Variants in CAD observed in about 807,000 individuals in gnomAD.
The protein encoded by CAD is carbamoyl-phosphate synthetase 2, aspartate transcarbamylase, and dihydroorotase, also known as multifunctional protein CAD.
Under a neutral mutation model 237.2 loss-of-function variants are expected in CAD, and 81 were observed. That is an observed-to-expected ratio of 0.34 (90% CI 0.29 to 0.41). The LOEUF (loss-of-function observed/expected upper bound fraction) is 0.41, where lower values mean the gene tolerates loss of function less well. Among genes scored for constraint, CAD ranks in the 10% least tolerant of loss-of-function variants. The probability of loss-of-function intolerance (pLI) is 1.00; values close to 1 mark genes in which losing one functional copy is unlikely to be tolerated. For missense variants in CAD, 2,181 were observed against 2,951.7 expected (o/e 0.74, Z 6.05); for synonymous variants, 1,196 against 1,162.8 (o/e 1.03, Z -0.58).
rs747364893 is a variant in CAD, at chr2:27,238,040, T to C, written c.4729-16T>C. 1.2e-6 allele frequency: 2 copies of C among 1,613,676 alleles called. No individual in the cohort carries two copies. The stretch of plus-strand genomic sequence containing the variant: ...GAGATTCTGCACACTCCTTCATCAG[T>C]TCTTTCTGCTCCCAGCATTTCGAGA... On this transcript the variant is annotated splice_polypyrimidine_tract_variant and intron_variant, in intron 29 of 43. Coordinates refer to ENST00000264705, the MANE Select transcript of CAD (RefSeq NM_004341.5).
At position 27,241,833 on chromosome 2, in the gene CAD, T is replaced by G; in HGVS notation, c.5884-78T>G. 5.2e-6 allele frequency: 6 copies of G among 1,146,106 alleles called. No individual in the cohort carries two copies. The highest frequency in any genetic ancestry group is 5.2e-6 in the Non-Finnish European group (4 of 775,530). The allele number at this position is 1,146,106 out of a possible 1,614,324, so 71.0% of individuals were successfully genotyped here. A position where few individuals can be genotyped will look rare whatever the true frequency, so the allele number is the denominator to read the frequency against. ...CCTCACAGCACCCCTCAAGTGTCAG[T>G]TGGGGTGGTGGTGCCTAGCTGGGGT... On this transcript the variant is annotated intron_variant, in intron 38 of 43. Coordinates refer to ENST00000264705, the MANE Select transcript of CAD (RefSeq NM_004341.5). The surrounding 1 kb of genome is among the most constrained non-coding windows in gnomAD (Gnocchi z 4.6).
chr2:27,238,551 C>A lies in CAD; in HGVS notation c.4981C>A (p.Arg1661=). The change falls in exon 31 of 44, where the codon CGG becomes AGG. Residue 1661 remains arginine, a synonymous_variant. Coordinates refer to ENST00000264705, the MANE Select transcript of CAD (RefSeq NM_004341.5). ...CCTGGGGCCTGGGAAGGGGGAGGTC[C>A]GGCCTGAGCTTGGCTCCCGCCAGGA... ...ERLGPGKGEV[R]PELGSRQDVE... 6.2e-7 allele frequency: 1 copy of A among 1,614,080 alleles called. No individual in the cohort carries two copies. The highest frequency in any genetic ancestry group is 8.5e-7 in the Non-Finnish European group (1 of 1,179,998).
At chr2:27,221,473 T>C in intron 3 of CAD, 126 bp downstream of exon 3, 1 of 922,742 alleles carries the variant, frequency 1.1e-6, no homozygotes, top group East Asian at 3.3e-5. Flanking sequence ...TAGATTGGAG[T>C]TGGGCTGGGA....
At position 27,242,470 on chromosome 2, in the gene CAD, C is replaced by G. The variant is rs1369870516; in HGVS notation, c.6222+43C>G. ...GTTTGGATCCCTGCCAGGGGACGATCTAGAGAGGGAGGCAGGAAGTGGTTA... is the reference window on the plus strand; with the variant it reads ...GTTTGGATCCCTGCCAGGGGACGATGTAGAGAGGGAGGCAGGAAGTGGTTA... On this transcript the variant is annotated intron_variant, in intron 40 of 43. Coordinates refer to ENST00000264705, the MANE Select transcript of CAD (RefSeq NM_004341.5). The surrounding 1 kb of genome is among the most constrained non-coding windows in gnomAD (Gnocchi z 6.4). The G allele has an allele frequency of 3.7e-6, 6 of 1,600,350 alleles. No homozygotes were observed. The highest frequency in any genetic ancestry group is 5.1e-6 in the Non-Finnish European group (6 of 1,171,032).
At chr2:27,229,952 A>G (rs1364957951) in intron 15 of CAD, among the ~76,000 whole-genome samples, 1 of 151,396 alleles carries the variant, frequency 6.6e-6, no homozygotes, top group Non-Finnish European at 1.5e-5. Context: ...GAATTAAGTT[A>G]GTTGGTTGGG....
chr2:27,236,776 C>T lies in CAD; in HGVS notation c.4342C>T (p.Pro1448Ser). 1.2e-6 allele frequency: 2 copies of T among 1,614,168 alleles called. No individual in the cohort carries two copies. The highest frequency in any genetic ancestry group is 1.7e-6 in the Non-Finnish European group (2 of 1,180,040). ...EALGQIGPAP[P>S]LKVHVDCMTS... is the part of the protein sequence containing the mutation. ...CCTAGGCCAGATCGGGCCAGCCCCT[C>T]CTTTGAAGGTGCATGTTGACTGTAT... The change falls in exon 27 of 44, where the codon CCT (proline) becomes TCT (serine). Residue 1448 changes from proline (P) to serine (S), a missense_variant. Around this residue, in one of 12 missense-constraint regions of CAD, gnomAD observed 306 missense variants for 607.9 expected, o/e 0.50. Coordinates refer to ENST00000264705, the MANE Select transcript of CAD (RefSeq NM_004341.5). The surrounding 1 kb of genome is among the most constrained non-coding windows in gnomAD (Gnocchi z 4.1).
chr2:27,220,954 T>G (rs1675133705), intron 2 of CAD, among the ~76,000 whole-genome samples: 1 of 151,796 alleles, frequency 6.6e-6, no homozygotes, highest in Admixed American at 6.6e-5. Flanking sequence ...TGAGACTCTG[T>G]CTCAAAAAAA....
chr2:27,224,067 A>G (rs756983038), intron 8 of CAD, 38 bp downstream of exon 8: 5 of 1,454,898 alleles, frequency 3.4e-6, no homozygotes, highest in Admixed American at 1.7e-5. Flanking sequence ...GGACCTAAGA[A>G]CAGGGTTGGC....
Position 27,225,752 on chromosome 2 carries a change from A to G in CAD, c.1668A>G (p.Ala556=), listed in dbSNP as rs775395878. The change falls in exon 12 of 44, where the codon GCA becomes GCG. Residue 556 remains alanine (A), a synonymous_variant. Coordinates refer to ENST00000264705, the MANE Select transcript of CAD (RefSeq NM_004341.5). Reference sequence around the variant, plus strand: ...TGGGGTACCCTGTGCTAGTGCGTGCAGCCTTTGCCCTGGGTGGCCTGGGCT... The same window carrying G: ...TGGGGTACCCTGTGCTAGTGCGTGCGGCCTTTGCCCTGGGTGGCCTGGGCT... ...ERLGYPVLVR[A]AFALGGLGSG... The G allele has an allele frequency of 6.8e-6, 11 of 1,614,214 alleles. No individual in the cohort carries two copies. Among genetic ancestry groups the G allele is most frequent in the Non-Finnish European group, 9.3e-6 (11 of 1,180,040 alleles).
Position 27,230,369 on chromosome 2 carries a change from C to T in CAD, c.2288-1099C>T, listed in dbSNP as rs550364881. Among the ~76,000 whole-genome samples, 62 of 151,974 alleles carry T rather than the reference C, an allele frequency of 4.1e-4. No individual in the cohort carries two copies. The South Asian group carries it at 0.01, about 25-fold the overall frequency. On this transcript the variant is annotated intron_variant, in intron 15 of 43. Coordinates refer to ENST00000264705, the MANE Select transcript of CAD (RefSeq NM_004341.5). ...AAACATACCTATGAAGGGCCCGGCA[C>T]GGTGGCTCACGCCTGTAACCCCAGC...
In CAD at chr2:27,224,909, G is replaced by A. The variant is rs780879805; in HGVS notation, c.1386+33G>A. ...TGGGGCAAGGCTGGAATGAAAAGAG[G>A]ACTGGGCAGGGGGGCCCAGTGGTCA... On this transcript the variant is annotated intron_variant, in intron 10 of 43. Coordinates refer to ENST00000264705, the MANE Select transcript of CAD (RefSeq NM_004341.5). The A allele has an allele frequency of 1.3e-5, 21 of 1,613,956 alleles. No individual in the cohort carries two copies. In the South Asian group the frequency reaches 2.3e-4, roughly 18 times the overall value.
In CAD at chr2:27,243,198, T is replaced by A; in HGVS notation, c.6481T>A (p.Cys2161Ser). 6.2e-7 allele frequency: 1 copy of A among 1,614,042 alleles called. No homozygotes were observed. The highest frequency in any genetic ancestry group is 8.5e-7 in the Non-Finnish European group (1 of 1,180,006). The change falls in exon 43 of 44, where the codon TGC becomes AGC. Residue 2161 changes from cysteine (C) to serine (S), a missense_variant and splice_region_variant. This residue lies in a region of CAD where 170 missense variants were observed against 212.1 expected (regional missense o/e 0.80). Coordinates refer to ENST00000264705, the MANE Select transcript of CAD (RefSeq NM_004341.5). ...RFGSTQEYEA[C>S]FGQFILTPHI... ...AATGGGGACCCCATCTGCTTTGCAG[T>A]GCTTTGGTCAGTTCATCCTCACTCC...
intron 2 of CAD, among the ~76,000 whole-genome samples, chr2:27,219,519 A>AT (rs1328254453): frequency 1.3e-5 from 2 of 151,642 alleles, no homozygotes; most frequent in Non-Finnish European, 1.5e-5. Context: ...CTTTTTTTGT[A>AT]TTTTTTGTAG....
At chr2:27,243,330 G>T in intron 43 of CAD, 38 bp downstream of exon 43, 1 of 1,611,110 alleles carries the variant, frequency 6.2e-7, no homozygotes, top group East Asian at 2.2e-5. Context: ...CCTCGGGGCT[G>T]GTGGACGGGA....
At chr2:27,218,701 C>T (rs1675000717) in intron 2 of CAD, among the ~76,000 whole-genome samples, 1 of 152,012 alleles carries the variant, frequency 6.6e-6, no homozygotes, top group Non-Finnish European at 1.5e-5. Flanking sequence ...TGAGGTTTCC[C>T]CTATTCCTTC....
In CAD at chr2:27,236,187, CTCA is replaced by C; in HGVS notation, c.4075-92_4075-90del. On this transcript the variant is annotated intron_variant, in intron 25 of 43. Transcript: ENST00000264705. The surrounding 1 kb of genome is among the most constrained non-coding windows in gnomAD (Gnocchi z 4.1). ...GCCCACCCTATGGGTCCTCAGTCTCCTCATCATGGGCTCCTGGGCCAGCTCCTC... is the reference window on the plus strand; with the variant it reads ...GCCCACCCTATGGGTCCTCAGTCTCCTCATGGGCTCCTGGGCCAGCTCCTC... 1 of 1,519,672 alleles carries C rather than the reference CTCA, an allele frequency of 6.6e-7. No individual in the cohort carries two copies. Among genetic ancestry groups the C allele is most frequent in the South Asian group, 1.3e-5 (1 of 77,682 alleles). The allele number at this position is 1,519,672 out of a possible 1,614,324, so 94.1% of individuals were successfully genotyped here.
At chr2:27,220,325 GAA>G (rs1675093055) in intron 2 of CAD, among the ~76,000 whole-genome samples, 1 of 152,162 alleles carries the variant, frequency 6.6e-6, no homozygotes, top group Non-Finnish European at 1.5e-5. Flanking sequence ...GCTTCACAGA[GAA>G]AGGATTTGTG....
Position 27,242,159 on chromosome 2 carries a change from A to C in CAD, c.6096+36A>C. 6.2e-7 allele frequency: 1 copy of C among 1,604,858 alleles called. No homozygotes were observed. The highest frequency in any genetic ancestry group is 1.1e-5 in the South Asian group (1 of 90,834). ...CCTGGGTACTGAGATGGGGTTAAGA[A>C]GGCTGGACCCAGGGGCATGAGAACC... On this transcript the variant is annotated intron_variant, in intron 39 of 43. Coordinates refer to ENST00000264705, the MANE Select transcript of CAD (RefSeq NM_004341.5). This position sits in a 1 kb window ranked among gnomAD's most constrained non-coding sequence, Gnocchi z 6.4.
chr2:27,233,023 C>T lies in CAD; in HGVS notation c.2893-19C>T. On this transcript the variant is annotated intron_variant, in intron 18 of 43. Transcript: ENST00000264705. This position sits in a 1 kb window ranked among gnomAD's most constrained non-coding sequence, Gnocchi z 6.3. ...TCCTCCCACCTGACTGCTAAGTACC[C>T]TTCCCCTCCCTCTTGCAGATGGGAT... The T allele has an allele frequency of 6.6e-7, 1 of 1,520,472 alleles. No individual in the cohort carries two copies. Among genetic ancestry groups the T allele is most frequent in the African/African-American group, 1.4e-5 (1 of 73,204 alleles). 94.2% of individuals were successfully genotyped at this position (1,520,472 alleles called of 1,614,324 possible).
Sources: allele counts gnomAD v4.1 joint callset (sites outside exome capture counted in the v4.1 genomes callset), GRCh38; gene constraint gnomAD v4.1.1; regional missense constraint gnomAD v4.1.1; non-coding constraint Gnocchi (gnomAD v3.1); transcripts MANE v1.5; gene names NCBI Gene and HGNC (gene_info 2026-07-23, HGNC 2026-07-21).